RBM19: variants seen among roughly 807,000 people sequenced by gnomAD.
RBM19 encodes probable RNA-binding protein 19.
A neutral mutation model predicts 116.8 loss-of-function variants in RBM19; 94 were observed. The observed-to-expected ratio is 0.80, with a 90% CI of 0.68 to 0.95. The LOEUF is 0.95. Ranked by LOEUF, RBM19 falls within the 40% of genes least tolerant of loss-of-function variation. The probability of loss-of-function intolerance (pLI) is 0.00; values close to 1 mark genes in which losing one functional copy is unlikely to be tolerated. For synonymous variants in RBM19, 475 were observed against 494.1 expected (o/e 0.96, Z 0.51); for missense variants, 1,161 against 1,220.7 (o/e 0.95, Z 0.73).
chr12:113,900,308 A>G (rs376456258), intron 21 of RBM19, among the ~76,000 whole-genome samples: 3 of 152,226 alleles, frequency 2.0e-5, no homozygotes, highest in East Asian at 3.8e-4. Context: ...AAACAGCCTC[A>G]TGGCAGATAA....
At position 113,952,528 on chromosome 12, in the gene RBM19, A is replaced by T. The variant is rs151239578; in HGVS notation, c.984T>A (p.Ala328=). Residue 328 remains alanine, a synonymous_variant, in exon 8 of 24, where the codon GCT becomes GCA. Coordinates refer to ENST00000261741, the MANE Select transcript of RBM19 (RefSeq NM_016196.4). ...GGATCTTACCTGTTTTATTCCCATG[A>T]GCGTTTCTCACAATTCGAATGGCCA... ...KPVAIRIVRN[A]HGNKTGYIFV... 1.2e-6 allele frequency: 2 copies of T among 1,613,638 alleles called. No homozygotes were observed. The highest frequency in any genetic ancestry group is 1.3e-5 in the African/African-American group (1 of 74,908).
intron 21 of RBM19, among the ~76,000 whole-genome samples, chr12:113,868,321 G>A (rs75894675): frequency 0.066 from 10,065 of 152,148 alleles, 653 homozygotes; most frequent in East Asian, 0.34. Flanking sequence ...CAGTTTAGAA[G>A]CAACTGAAGG....
intron 13 of RBM19, among the ~76,000 whole-genome samples, chr12:113,944,069 A>T (rs1374571764): frequency 7.0e-6 from 1 of 142,382 alleles, no homozygotes; most frequent in Non-Finnish European, 1.5e-5. Context: ...GGAAGAACTC[A>T]GCTGCCTCTA....
chr12:113,913,138 C>T (rs1477818365), intron 21 of RBM19, among the ~76,000 whole-genome samples: 2 of 152,124 alleles, frequency 1.3e-5, no homozygotes, highest in Non-Finnish European at 1.5e-5. Context: ...TTTGTTTCCC[C>T]GGATAAGTGT....
At chr12:113,957,733 AG>A in intron 6 of RBM19, 48 bp downstream of exon 6, 2 of 1,522,540 alleles carry the variant, frequency 1.3e-6, no homozygotes, top group Non-Finnish European at 1.8e-6. Flanking sequence ...ACCACGGGCA[AG>A]CAGGAGAGCG....
Position 113,959,907 on chromosome 12 carries a change from A to C in RBM19, c.340-4T>G, listed in dbSNP as rs571364816. ...CCACCTTTTTCTTCTTCTCATCCTG[A>C]AAACAGAAGGCACAGAGAGTGAGGG... is the stretch of plus-strand genomic sequence containing the variant. On this transcript the variant is annotated splice_region_variant and splice_polypyrimidine_tract_variant and intron_variant, in intron 3 of 23. Transcript: ENST00000261741. 6.2e-6 allele frequency: 10 copies of C among 1,614,150 alleles called. No individual in the cohort carries two copies. In the East Asian group the frequency reaches 2.2e-4, roughly 36 times the overall value.
rs116767356 is a variant in RBM19, at chr12:113,837,494, C to T, written c.2785+7174G>A. Among the ~76,000 whole-genome samples the T allele has an allele frequency of 3.2e-3, 488 of 152,342 alleles. 1 individual carries two copies. The highest frequency in any genetic ancestry group is 0.011 in the African/African-American group (454 of 41,580). Reference sequence around the variant, plus strand: ...TGCACGTGATGTGCCAGGAGCTGTGCGCCATCTCCTTTACAGGCATCCTTC... The same window carrying T: ...TGCACGTGATGTGCCAGGAGCTGTGTGCCATCTCCTTTACAGGCATCCTTC... On this transcript the variant is annotated intron_variant, in intron 23 of 23. Transcript: ENST00000261741.
intron 20 of RBM19, among the ~76,000 whole-genome samples, chr12:113,917,976 T>C (rs1486455132): frequency 6.6e-6 from 1 of 152,204 alleles, no homozygotes. Context: ...GCCATTCAGC[T>C]CTAAGAAAGC....
chr12:113,830,800 G>T (rs1875347128), intron 23 of RBM19, among the ~76,000 whole-genome samples: 2 of 152,208 alleles, frequency 1.3e-5, no homozygotes, highest in South Asian at 4.1e-4. Flanking sequence ...CTTAGGGTTT[G>T]GTCCACATTA....
intron 22 of RBM19, among the ~76,000 whole-genome samples, chr12:113,854,539 C>T (rs1455274883): frequency 2.0e-5 from 3 of 152,190 alleles, no homozygotes; most frequent in Non-Finnish European, 4.4e-5. Flanking sequence ...GCCGGATCAT[C>T]ACACCTGGAG....
At chr12:113,908,593 A>G (rs1480180325) in intron 21 of RBM19, among the ~76,000 whole-genome samples, 1 of 149,336 alleles carries the variant, frequency 6.7e-6, no homozygotes, top group Non-Finnish European at 1.5e-5. Context: ...AAAAAAAAAA[A>G]AAAAAAAAAA....
intron 23 of RBM19, among the ~76,000 whole-genome samples, chr12:113,823,691 C>T (rs1193458051): frequency 6.6e-6 from 1 of 152,130 alleles, no homozygotes; most frequent in African/African-American, 2.4e-5. Context: ...CATCTTCTAC[C>T]CGCAGGGGAA....
At chr12:113,848,735 C>T (rs984759762) in intron 22 of RBM19, among the ~76,000 whole-genome samples, 41 of 152,274 alleles carry the variant, frequency 2.7e-4, no homozygotes, top group African/African-American at 9.9e-4. Flanking sequence ...TTGACCTCCA[C>T]CTTCTCCCAA....
chr12:113,896,541 T>C (rs113996608), intron 21 of RBM19, among the ~76,000 whole-genome samples: 5,105 of 152,296 alleles, frequency 0.034, 268 homozygotes, highest in African/African-American at 0.12. Flanking sequence ...TCTGAGACTT[T>C]TATGTTTTGG....
chr12:113,827,308 C>G (rs1042837700), intron 23 of RBM19, among the ~76,000 whole-genome samples: 2 of 152,102 alleles, frequency 1.3e-5, no homozygotes, highest in African/African-American at 2.4e-5. Flanking sequence ...GCTCAGCCAT[C>G]CCCCGACAAC....
intron 21 of RBM19, among the ~76,000 whole-genome samples, chr12:113,870,351 A>G (rs888051938): frequency 3.9e-5 from 6 of 152,204 alleles, no homozygotes; most frequent in African/African-American, 1.4e-4. Context: ...CGTCTCCTAC[A>G]GACACTGAAA....
At chr12:113,954,225 G>A (rs1027151123) in intron 7 of RBM19, among the ~76,000 whole-genome samples, 2 of 152,194 alleles carry the variant, frequency 1.3e-5, no homozygotes, top group East Asian at 1.9e-4. Flanking sequence ...CGTCCAAGAA[G>A]AGGCTTCAGT....
At chr12:113,877,702 G>A (rs1397640876) in intron 21 of RBM19, among the ~76,000 whole-genome samples, 3 of 152,214 alleles carry the variant, frequency 2.0e-5, no homozygotes, top group Non-Finnish European at 4.4e-5. Context: ...GACAGTAGCT[G>A]CAAGAACAGC....
At chr12:113,833,997 C>T (rs1245612374) in intron 23 of RBM19, among the ~76,000 whole-genome samples, 4 of 152,146 alleles carry the variant, frequency 2.6e-5, no homozygotes, top group African/African-American at 7.2e-5. Flanking sequence ...CCTCCTGCCT[C>T]GGCGTCTCAA....
Sources: gnomAD v4.1 joint callset for allele counts (sites outside exome capture counted in the v4.1 genomes callset) on GRCh38, gnomAD v4.1.1 for gene constraint, MANE v1.5 for transcripts, NCBI Gene and HGNC (gene_info 2026-07-23, HGNC 2026-07-21) for gene names.